The following WDR20 variants were observed in gnomAD, a reference collection of about 807,000 sequenced individuals.
The protein encoded by WDR20 is WD repeat-containing protein 20.
Under a neutral mutation model 38.7 loss-of-function variants are expected in WDR20, and 3 were observed. The ratio of observed to expected loss-of-function variants is 0.08; its 90% CI spans 0.04 to 0.20. The LOEUF is 0.20. WDR20 is among the 10% of genes least tolerant of loss of function. The probability of loss-of-function intolerance (pLI) is 1.00; values close to 1 mark genes in which losing one functional copy is unlikely to be tolerated. For missense variants in WDR20, 559 were observed against 727.7 expected (o/e 0.77, Z 2.67); for synonymous variants, 298 against 285.6 (o/e 1.04, Z -0.44).
chr14:102,151,173 A>ATTTTT (rs534503694), intron 1 of WDR20, among the ~76,000 whole-genome samples: 175 of 111,506 alleles, frequency 1.6e-3, no homozygotes, highest in African/African-American at 4.4e-3. Flanking sequence ...CCATTGGGGA[A>ATTTTT]TTTTTTTTTT....
At chr14:102,185,201 A>G (rs1315887761) in intron 1 of WDR20, among the ~76,000 whole-genome samples, 1 of 152,184 alleles carries the variant, frequency 6.6e-6, no homozygotes, top group East Asian at 1.9e-4. Context: ...AGCCCATATG[A>G]TAAGTAGCAA....
At chr14:102,224,336 G>A (rs1035594213), downstream of WDR20, among the ~76,000 whole-genome samples, 9 of 152,020 alleles carry the variant, frequency 5.9e-5, no homozygotes, top group Non-Finnish European at 8.8e-5. Context: ...CACTGCGCCC[G>A]GCCTTACCTG....
intron 1 of WDR20, among the ~76,000 whole-genome samples, chr14:102,142,011 C>T (rs1323452465): frequency 6.6e-6 from 1 of 152,076 alleles, no homozygotes; most frequent in Non-Finnish European, 1.5e-5. Flanking sequence ...AGACAGGTTT[C>T]TTGCCTGGAA....
downstream of WDR20, among the ~76,000 whole-genome samples, chr14:102,224,067 A>C (rs1597198650): frequency 8.7e-6 from 1 of 115,424 alleles, no homozygotes; most frequent in South Asian, 2.8e-4. Context: ...TTTGAGATGG[A>C]GTCTCCCTCT....
chr14:102,177,730 T>G (rs1222969148), intron 1 of WDR20, among the ~76,000 whole-genome samples: 1 of 152,202 alleles, frequency 6.6e-6, no homozygotes, highest in Non-Finnish European at 1.5e-5. Flanking sequence ...GTCTTCAGGC[T>G]TCCGCAGTTA....
chr14:102,193,635 A>G, intron 1 of WDR20: 2 of 864,886 alleles, frequency 2.3e-6, no homozygotes, highest in South Asian at 2.2e-5. Context: ...AGTTTGCTCA[A>G]AGACGCCTGT....
intron 2 of WDR20, among the ~76,000 whole-genome samples, chr14:102,205,334 A>G (rs2061337015): frequency 6.6e-6 from 1 of 152,150 alleles, no homozygotes; most frequent in African/African-American, 2.4e-5. Context: ...TGGTATGAAA[A>G]AGAAGAGTGG....
chr14:102,145,785 A>G (rs1428079535), intron 1 of WDR20, among the ~76,000 whole-genome samples: 16 of 152,126 alleles, frequency 1.1e-4, no homozygotes, highest in Admixed American at 1.0e-3. Flanking sequence ...AAACAAAACA[A>G]TCAATAATAA....
intron 1 of WDR20, among the ~76,000 whole-genome samples, chr14:102,161,493 T>C (rs1302344064): frequency 1.3e-5 from 2 of 151,990 alleles, no homozygotes; most frequent in Admixed American, 1.3e-4. Flanking sequence ...TTTGTGTTTT[T>C]TGTATAGACA....
chr14:102,217,259 G>T (rs2063328761), downstream of WDR20, among the ~76,000 whole-genome samples: 1 of 152,182 alleles, frequency 6.6e-6, no homozygotes, highest in Admixed American at 6.5e-5. Flanking sequence ...GGCCGGTGCT[G>T]GTCTCCATCA....
At chr14:102,200,651 C>T (rs2060240646) in intron 2 of WDR20, among the ~76,000 whole-genome samples, 1 of 152,132 alleles carries the variant, frequency 6.6e-6, no homozygotes, top group African/African-American at 2.4e-5. Flanking sequence ...GGAGTATATT[C>T]ACAGAATAGT....
chr14:102,200,467 T>TTTTTTTTTTTTTTG (rs748066838), intron 2 of WDR20, among the ~76,000 whole-genome samples: 8 of 117,770 alleles, frequency 6.8e-5, no homozygotes, highest in East Asian at 4.7e-4. Context: ...ATTTTTTTTT[T>TTTTTTTTTTTTTTG]TGTGTGTGTG....
chr14:102,223,014 G>A (rs1362180802), exon 4 of WDR20: 5 of 1,074,952 alleles, frequency 4.7e-6, no homozygotes, highest in Admixed American at 4.1e-5. Context: ...TAGCCGTGTG[G>A]ACGGTGACCG....
Position 102,185,431 on chromosome 14 carries a change from AT to A in WDR20, c.250-9506del, listed in dbSNP as rs1283588728. Among the ~76,000 whole-genome samples the A allele has an allele frequency of 1.1e-4, 16 of 152,234 alleles. 1 individual carries two copies. Among genetic ancestry groups the A allele is most frequent in the Admixed American group, 3.3e-4 (5 of 15,298 alleles). On this transcript the variant is annotated intron_variant, in intron 1 of 2. Coordinates refer to ENST00000342702, the MANE Select transcript of WDR20 (RefSeq NM_144574.4). ...GAACATGGAGTTACATGGTGATAGAATCGTAGAACTAGGTGCCACCTCACAT... is the reference window on the plus strand; with the variant it reads ...GAACATGGAGTTACATGGTGATAGAACGTAGAACTAGGTGCCACCTCACAT...
chr14:102,197,375 T>G (rs1441883029), intron 2 of WDR20, among the ~76,000 whole-genome samples: 2 of 152,244 alleles, frequency 1.3e-5, no homozygotes, highest in Non-Finnish European at 2.9e-5. Flanking sequence ...AAGGGCTAGC[T>G]GCCGCAGGAA....
chr14:102,146,646 G>T (rs1172396452), intron 1 of WDR20, among the ~76,000 whole-genome samples: 1 of 152,182 alleles, frequency 6.6e-6, no homozygotes. Context: ...GTCAAAAACT[G>T]CAGGACCACC....
intron 1 of WDR20, among the ~76,000 whole-genome samples, chr14:102,177,418 C>T (rs1027047950): frequency 6.6e-6 from 1 of 152,120 alleles, no homozygotes; most frequent in Non-Finnish European, 1.5e-5. Flanking sequence ...TGCCAGAAGC[C>T]TGTACTGTGA....
chr14:102,223,475 G>A (rs2064125668), exon 4 of WDR20: 1 of 152,590 alleles, frequency 6.6e-6, no homozygotes, highest in Non-Finnish European at 1.5e-5. Flanking sequence ...GAGGTGCGGC[G>A]TGAAGATGCC....
intron 1 of WDR20, among the ~76,000 whole-genome samples, chr14:102,150,536 T>C (rs747864989): frequency 2.0e-5 from 3 of 152,224 alleles, no homozygotes; most frequent in Non-Finnish European, 2.9e-5. Context: ...CATTGTAGAT[T>C]ATTGCTCTGC....
Sources: allele counts gnomAD v4.1 joint callset (sites outside exome capture counted in the v4.1 genomes callset), GRCh38; gene constraint gnomAD v4.1.1; transcripts MANE v1.5; gene names NCBI Gene and HGNC (gene_info 2026-07-23, HGNC 2026-07-21).